MED23: variants seen among roughly 807,000 people sequenced by gnomAD.
MED23 encodes mediator complex subunit 23, also known as mediator of RNA polymerase II transcription subunit 23.
A neutral mutation model predicts 163.9 loss-of-function variants in MED23; 105 were observed. That is an observed-to-expected ratio of 0.64 (90% CI 0.55 to 0.75). The LOEUF is 0.75. MED23 is among the 30% of genes least tolerant of loss of function. The pLI, the probability that MED23 is intolerant of heterozygous loss-of-function variation, is 0.00. For missense variants in MED23, 1,054 were observed against 1,649.0 expected (o/e 0.64, Z 6.25); for synonymous variants, 561 against 565.6 (o/e 0.99, Z 0.12).
intron 24 of MED23, chr6:131,592,748 CA>C (rs1774739283): frequency 3.3e-6 from 2 of 600,928 alleles, no homozygotes; most frequent in Non-Finnish European, 5.8e-6. Flanking sequence ...TTTTAAGTGA[CA>C]AGTTAACATT....
chr6:131,613,820 T>C (rs1776448522), intron 10 of MED23, among the ~76,000 whole-genome samples: 2 of 150,608 alleles, frequency 1.3e-5, no homozygotes, highest in African/African-American at 4.8e-5. Context: ...GTTACCGAAA[T>C]GATCAGATCA....
At position 131,598,831 on chromosome 6, in the gene MED23, C is replaced by G; in HGVS notation, c.2221-70G>C. The G allele has an allele frequency of 6.9e-7, 1 of 1,442,800 alleles. No homozygotes were observed. Among genetic ancestry groups the G allele is most frequent in the Non-Finnish European group, 9.7e-7 (1 of 1,028,376 alleles). 89.4% of individuals were successfully genotyped at this position (1,442,800 alleles called of 1,614,324 possible). ...GAGCACTGGATATGGAGTTAATAAA[C>G]CAGTTCTAGACTTGATTCTGACACT... On this transcript the variant is annotated intron_variant, in intron 18 of 28. Transcript: ENST00000368068. The surrounding 1 kb of genome is among the most constrained non-coding windows in gnomAD (Gnocchi z 4.7).
In MED23 at chr6:131,598,591, G is replaced by C; in HGVS notation, c.2391C>G (p.Leu797=). ...PLFLCLLWKM[L]LETDHINQIG... ...TCTGATTAATATGATCTGTTTCCAA[G>C]AGCATTTTCCAGAGAAGACAAAGAA... is the stretch of plus-strand genomic sequence containing the variant. Residue 797 remains leucine, a synonymous_variant, in exon 19 of 29, where the codon CTC becomes CTG. Transcript: ENST00000368068. This position sits in a 1 kb window ranked among gnomAD's most constrained non-coding sequence, Gnocchi z 4.7. The C allele has an allele frequency of 6.2e-7, 1 of 1,614,102 alleles. No individual in the cohort carries two copies. The highest frequency in any genetic ancestry group is 8.5e-7 in the Non-Finnish European group (1 of 1,179,998).
intron 10 of MED23, among the ~76,000 whole-genome samples, chr6:131,612,814 C>T (rs575606483): frequency 6.6e-6 from 1 of 152,146 alleles, no homozygotes; most frequent in South Asian, 2.1e-4. Flanking sequence ...CAATTCCTTC[C>T]CAGCACTATT....
At chr6:131,600,238 A>G in intron 17 of MED23, 76 bp from the exon 18 acceptor site, 3 of 1,379,458 alleles carry the variant, frequency 2.2e-6, no homozygotes, top group Admixed American at 1.8e-5. Context: ...TAGCGAAAAT[A>G]ATAATTATGT....
chr6:131,577,652 A>G (rs115620963), intron 30 of MED23, among the ~76,000 whole-genome samples: 6,335 of 152,098 alleles, frequency 0.042, 447 homozygotes, highest in African/African-American at 0.14. Flanking sequence ...CTGTAATCCT[A>G]TCACTTTGGG....
chr6:131,628,235 C>T lies in MED23; in HGVS notation c.-186G>A, dbSNP rs1360510758. ...GCCCAGCCAACAGCAGGAACCTGTA[C>T]GGAAGACGGGAAGGGCCCGGTACGC... On this transcript the variant is annotated 5_prime_UTR_variant, in exon 1 of 29. Transcript: ENST00000368068. The T allele has an allele frequency of 6.1e-6, 4 of 661,058 alleles. No individual in the cohort carries two copies. Among genetic ancestry groups the T allele is most frequent in the African/African-American group, 5.4e-5 (3 of 55,622 alleles). The allele number at this position is 661,058 out of a possible 1,614,324, so 40.9% of individuals were successfully genotyped here.
chr6:131,598,985 G>A lies in MED23; in HGVS notation c.2221-224C>T, dbSNP rs1159302534. On this transcript the variant is annotated intron_variant, in intron 18 of 28. Coordinates refer to ENST00000368068, the MANE Select transcript of MED23 (RefSeq NM_004830.4). This position sits in a 1 kb window ranked among gnomAD's most constrained non-coding sequence, Gnocchi z 4.7. ...TAGATTTCCTAAATGGAAATTCTAAGTAAGCCTGAATTCAAAGCTTCTTCA... is the reference window on the plus strand; with the variant it reads ...TAGATTTCCTAAATGGAAATTCTAAATAAGCCTGAATTCAAAGCTTCTTCA... 1.3e-5 allele frequency among the ~76,000 whole-genome samples: 2 copies of A among 152,140 alleles called. No homozygotes were observed. The highest frequency in any genetic ancestry group is 1.5e-5 in the Non-Finnish European group (1 of 68,032).
intron 9 of MED23, among the ~76,000 whole-genome samples, chr6:131,617,531 C>G (rs1014996219): frequency 1.3e-5 from 2 of 151,672 alleles, no homozygotes; most frequent in Non-Finnish European, 1.5e-5. Context: ...CCCCATCTAC[C>G]AGAATGTCTT....
chr6:131,579,508 A>T, intron 30 of MED23: 1 of 427,998 alleles, frequency 2.3e-6, no homozygotes. Flanking sequence ...TACAGCAGAA[A>T]ATGTATGAAA....
Position 131,606,463 on chromosome 6 carries a change from G to A in MED23, c.1367+16C>T. The A allele has an allele frequency of 6.2e-7, 1 of 1,610,102 alleles. No individual in the cohort carries two copies. ...ATTAAACAAGAAAATTAAGTATCAA[G>A]CAACAAATAACTTACTCATGGTGAA... On this transcript the variant is annotated intron_variant, in intron 13 of 28. Coordinates refer to ENST00000368068, the MANE Select transcript of MED23 (RefSeq NM_004830.4).
At chr6:131,592,774 T>C (rs1434463663) in intron 24 of MED23, 3 of 607,760 alleles carry the variant, frequency 4.9e-6, no homozygotes, top group Non-Finnish European at 8.6e-6. Context: ...CTATATTAAA[T>C]GTCAAACTGC....
At chr6:131,582,601 T>G, downstream of MED23, 1 of 1,595,056 alleles carries the variant, frequency 6.3e-7, no homozygotes, top group Non-Finnish European at 8.6e-7. Flanking sequence ...CATAACCAAG[T>G]GAAAACATTG....
At chr6:131,593,282 A>G in intron 23 of MED23, 111 bp from the exon 24 acceptor site, 1 of 1,257,148 alleles carries the variant, frequency 8.0e-7, no homozygotes, top group Non-Finnish European at 1.1e-6. Flanking sequence ...TTAAGAGGCA[A>G]ATGCAAACCA....
chr6:131,587,697 A>C lies in MED23; in HGVS notation c.4089T>G (p.Ser1363=), dbSNP rs1225596407. 1.9e-6 allele frequency: 3 copies of C among 1,614,140 alleles called. No homozygotes were observed. Among genetic ancestry groups the C allele is most frequent in the Non-Finnish European group, 1.7e-6 (2 of 1,179,986 alleles). The stretch of plus-strand genomic sequence containing the variant: ...TCTGGCTTCACTGAGTTACTGGTAA[A>C]GACACGGGCACCTGATTAGACTGAG... ...PAPQSNQVPV[S]LPVTQ The change falls in exon 29 of 29, where the codon TCT becomes TCG. Residue 1363 remains serine (S), a synonymous_variant. Coordinates refer to ENST00000368068, the MANE Select transcript of MED23 (RefSeq NM_004830.4).
intron 20 of MED23, among the ~76,000 whole-genome samples, chr6:131,597,667 CAG>C (rs1775168088): frequency 6.6e-6 from 1 of 152,024 alleles, no homozygotes. Flanking sequence ...AGAATCAACT[CAG>C]GGTCTAATTG....
chr6:131,589,686 C>T (rs1165536530), intron 27 of MED23, 90 bp from the exon 28 acceptor site: 9 of 1,179,732 alleles, frequency 7.6e-6, no homozygotes, highest in Non-Finnish European at 1.1e-5. Flanking sequence ...AACACTAGCA[C>T]CGGGGGATAC....
intron 16 of MED23, among the ~76,000 whole-genome samples, chr6:131,602,785 T>C (rs2114656489): frequency 6.6e-6 from 1 of 152,256 alleles, no homozygotes; most frequent in Non-Finnish European, 1.5e-5. Context: ...ATAAATACCC[T>C]GGAAGTACTA....
At position 131,580,472 on chromosome 6, in the gene MED23, A is replaced by G. The variant is rs555549087; in HGVS notation, c.4096-6177T>C. Among the ~76,000 whole-genome samples the G allele has an allele frequency of 4.6e-4, 70 of 152,324 alleles. 2 individuals carry two copies. The South Asian group carries it at 0.013, about 29-fold the overall frequency. Reference sequence around the variant, plus strand: ...ACAAATGGGAGAATACAGGCATTGTATAGTACTAGCTTGGTGCAAAAGTAA... The same window carrying G: ...ACAAATGGGAGAATACAGGCATTGTGTAGTACTAGCTTGGTGCAAAAGTAA... On this transcript the variant is annotated intron_variant, in intron 30 of 30. Transcript: ENST00000354577.
Sources: allele counts gnomAD v4.1 joint callset (sites outside exome capture counted in the v4.1 genomes callset), GRCh38; gene constraint gnomAD v4.1.1; non-coding constraint Gnocchi (gnomAD v3.1); transcripts MANE v1.5; gene names NCBI Gene and HGNC (gene_info 2026-07-23, HGNC 2026-07-21).